The following PPRC1 variants were observed in gnomAD, a reference collection of about 807,000 sequenced individuals.
PPRC1 encodes peroxisome proliferator-activated receptor gamma coactivator-related protein 1.
PPRC1 carries 23 observed loss-of-function variants against 132.5 expected under a neutral mutation model. The ratio of observed to expected loss-of-function variants is 0.17; its 90% CI spans 0.12 to 0.25. The LOEUF (loss-of-function observed/expected upper bound fraction) is 0.25. Ranked by LOEUF, PPRC1 falls within the 10% of genes least tolerant of loss-of-function variation. The pLI is 1.00. For missense variants in PPRC1, 2,006 were observed against 2,089.1 expected, an observed-to-expected ratio of 0.96 and a Z score of 0.78; for synonymous variants, 872 against 833.5, an observed-to-expected ratio of 1.05 and a Z score of -0.80.
the PPRC1 span, among the ~76,000 whole-genome samples, chr10:102,123,532 T>C: frequency 6.6e-6 from 1 of 152,030 alleles, no homozygotes; most frequent in Non-Finnish European, 1.5e-5. Context: ...AACATAAAAT[T>C]AACCTTTTTT....
the PPRC1 span, among the ~76,000 whole-genome samples, chr10:102,123,009 G>C: frequency 2.0e-5 from 3 of 152,150 alleles, no homozygotes; most frequent in Non-Finnish European, 4.4e-5. Context: ...TCACCTACTA[G>C]TTAATGCTTC....
At chr10:102,139,019 G>A in intron 4 of PPRC1, 39 bp downstream of exon 4, 2 of 1,603,642 alleles carry the variant, frequency 1.2e-6, no homozygotes, top group Non-Finnish European at 1.7e-6. Flanking sequence ...CTCCCAGGTG[G>A]GAGGAGGAGT....
In PPRC1 at chr10:102,146,868, C is replaced by G. The variant is rs752028195; in HGVS notation, c.3876C>G (p.Gly1292=). The G allele has an allele frequency of 1.2e-6, 2 of 1,614,084 alleles. No individual in the cohort carries two copies. The highest frequency in any genetic ancestry group is 1.7e-6 in the Non-Finnish European group (2 of 1,179,986). ...ATGGCCCTAGTCGAGTCCATGTGGG[C>G]TCTGGGGACCATGACTATTGTGTCC... ...GVHGPSRVHV[G]SGDHDYCVRS... The change falls in exon 9 of 14, where the codon GGC becomes GGG. Residue 1292 remains glycine (G), a synonymous_variant. Transcript: ENST00000278070.
the PPRC1 span, among the ~76,000 whole-genome samples, chr10:102,125,015 T>C: frequency 6.6e-6 from 1 of 152,102 alleles, no homozygotes; most frequent in Non-Finnish European, 1.5e-5. Flanking sequence ...ACTCCTGGGC[T>C]CAAGCAGTCC....
rs1459783196 is a variant in PPRC1, at chr10:102,141,957, G to A, written c.3449G>A (p.Arg1150His). 1.1e-5 allele frequency: 18 copies of A among 1,613,822 alleles called. No individual in the cohort carries two copies. The highest frequency in any genetic ancestry group is 4.5e-5 in the East Asian group (2 of 44,888). ...LRKLSFLPTP[R>H]TQGSEDVVQA... ...AAGCTGTCCTTCCTGCCTACCCCACGTACTCAGGGTTCTGAAGATGTGGTA... is the reference window on the plus strand; with the variant it reads ...AAGCTGTCCTTCCTGCCTACCCCACATACTCAGGGTTCTGAAGATGTGGTA... Residue 1150 changes from arginine to histidine, a missense_variant, in exon 5 of 14, where the codon CGT becomes CAT. By Grantham distance (29) the Arg-to-His change is conservative (BLOSUM62 0). This residue lies in a region of PPRC1 where 1,914 missense variants were observed against 1,917.2 expected (regional missense o/e 1.00). Coordinates refer to ENST00000278070, the MANE Select transcript of PPRC1 (RefSeq NM_015062.5).
At chr10:102,132,327 C>G (rs2068557952), upstream of PPRC1, among the ~76,000 whole-genome samples, 1 of 152,094 alleles carries the variant, frequency 6.6e-6, no homozygotes, top group South Asian at 2.1e-4. Context: ...AGTGATGGAC[C>G]GTAGAAACGC....
chr10:102,149,000 T>C lies in PPRC1; in HGVS notation c.4739+62T>C. 1.3e-6 allele frequency: 2 copies of C among 1,594,912 alleles called. No homozygotes were observed. Among genetic ancestry groups the C allele is most frequent in the Non-Finnish European group, 1.7e-6 (2 of 1,170,730 alleles). On this transcript the variant is annotated intron_variant, in intron 12 of 13. Coordinates refer to ENST00000278070, the MANE Select transcript of PPRC1 (RefSeq NM_015062.5). The surrounding 1 kb of genome is among the most constrained non-coding windows in gnomAD (Gnocchi z 4.2). Reference sequence around the variant, plus strand: ...TCCCATTCATCTACCTTGGTGTTTCTTTGTCTTGCCTCCTTGCTCTGGTGT... The same window carrying C: ...TCCCATTCATCTACCTTGGTGTTTCCTTGTCTTGCCTCCTTGCTCTGGTGT...
chr10:102,139,768 G>T lies in PPRC1; in HGVS notation c.1260G>T (p.Glu420Asp). The change falls in exon 5 of 14, where the codon GAG becomes GAT. Residue 420 changes from glutamate (E) to aspartate (D), a missense_variant. Physicochemically the swap from Glu to Asp is conservative, Grantham distance 45. Transcript: ENST00000278070. ...EKEGLSLNSE[E>D]KLDSACLLKP... ...AGGGGTTGTCATTGAACTCAGAGGA[G>T]AAGCTGGACTCAGCCTGCTTATTGA... 1.9e-6 allele frequency: 3 copies of T among 1,614,190 alleles called. No homozygotes were observed. Among genetic ancestry groups the T allele is most frequent in the Non-Finnish European group, 2.5e-6 (3 of 1,180,044 alleles).
chr10:102,142,115 T>C, intron 5 of PPRC1, 111 bp downstream of exon 5: 2 of 1,332,498 alleles, frequency 1.5e-6, no homozygotes, highest in Non-Finnish European at 2.0e-6. Flanking sequence ...TGGAGGAGTT[T>C]TTTTGTTTTT....
upstream of PPRC1, among the ~76,000 whole-genome samples, chr10:102,129,968 G>T (rs566086607): frequency 8.5e-5 from 13 of 152,256 alleles, no homozygotes; most frequent in East Asian, 2.5e-3. Context: ...TATTAATCTT[G>T]CTGGCTGCTC....
the PPRC1 span, among the ~76,000 whole-genome samples, chr10:102,120,671 T>TA: frequency 5.9e-5 from 9 of 151,948 alleles, no homozygotes; most frequent in Non-Finnish European, 1.2e-4. Flanking sequence ...ACGCAGCTTT[T>TA]AAAAAAGGAG....
the PPRC1 span, among the ~76,000 whole-genome samples, chr10:102,126,365 T>C: frequency 6.6e-6 from 1 of 152,076 alleles, no homozygotes; most frequent in Non-Finnish European, 1.5e-5. Flanking sequence ...GGATGAATCT[T>C]TCTCCAAACA....
the PPRC1 span, among the ~76,000 whole-genome samples, chr10:102,122,786 G>T: frequency 6.6e-6 from 1 of 152,144 alleles, no homozygotes; most frequent in African/African-American, 2.4e-5. Flanking sequence ...CATGTGGAAG[G>T]TAGAAGCTTA....
In PPRC1 at chr10:102,138,649, G is replaced by A. The variant is rs775086501; in HGVS notation, c.373G>A (p.Val125Met). The change falls in exon 3 of 14, where the codon GTG (valine) becomes ATG (methionine). Residue 125 changes from valine (V) to methionine (M), a missense_variant. Transcript: ENST00000278070. Reference protein sequence around the residue: ...SRLSLEDQNEVSLLTALTEIL... With the variant: ...SRLSLEDQNEMSLLTALTEIL... ...GTTATCTCTGGAGGACCAGAATGAA[G>A]TGTCGCTGCTCACGGCTCTGACGGA... 9.3e-6 allele frequency: 15 copies of A among 1,614,174 alleles called. No individual in the cohort carries two copies. The highest frequency in any genetic ancestry group is 1.3e-5 in the Non-Finnish European group (15 of 1,180,044).
In PPRC1 at chr10:102,148,714, A is replaced by G; in HGVS notation, c.4617+20A>G. The G allele has an allele frequency of 1.2e-6, 2 of 1,614,024 alleles. No individual in the cohort carries two copies. Among genetic ancestry groups the G allele is most frequent in the East Asian group, 2.2e-5 (1 of 44,886 alleles). On this transcript the variant is annotated intron_variant, in intron 11 of 13. Transcript: ENST00000278070. The surrounding 1 kb of genome is among the most constrained non-coding windows in gnomAD (Gnocchi z 4.2). ...GCAATAGTGAGTAGAGGAACAGATC[A>G]TGGGAGGATGGGGCTTACCCCCTGA...
At chr10:102,131,993 A>T (rs2068551577), upstream of PPRC1, among the ~76,000 whole-genome samples, 2 of 152,216 alleles carry the variant, frequency 1.3e-5, no homozygotes, top group Admixed American at 6.5e-5. Context: ...ATAACAATAC[A>T]TTCATAAAAT....
At chr10:102,125,481 A>C in the PPRC1 span, among the ~76,000 whole-genome samples, 2 of 151,010 alleles carry the variant, frequency 1.3e-5, no homozygotes, top group African/African-American at 4.9e-5. Flanking sequence ...GATGATCTCG[A>C]TCTCTTGACC....
chr10:102,148,301 G>A lies in PPRC1; in HGVS notation c.4401-71G>A, dbSNP rs1369382294. 1 of 1,533,840 alleles carries A rather than the reference G, an allele frequency of 6.5e-7. No individual in the cohort carries two copies. The highest frequency in any genetic ancestry group is 1.4e-5 in the African/African-American group (1 of 73,088). ...GCTTCCTAAAAGAAAGGCAGGACTG[G>A]GGCCTGGGTGAGATAAGCAGAGTAT... On this transcript the variant is annotated intron_variant, in intron 9 of 13. Transcript: ENST00000278070. This position sits in a 1 kb window ranked among gnomAD's most constrained non-coding sequence, Gnocchi z 4.2.
In PPRC1 at chr10:102,139,969, T is replaced by C; in HGVS notation, c.1461T>C (p.Ser487=). 6.2e-7 allele frequency: 1 copy of C among 1,614,210 alleles called. No homozygotes were observed. The highest frequency in any genetic ancestry group is 8.5e-7 in the Non-Finnish European group (1 of 1,180,036). Residue 487 remains serine (S), a synonymous_variant, in exon 5 of 14, where the codon TCT becomes TCC. Transcript: ENST00000278070. ...TGAGGTCATCTTCTCGCGGGCAGTC[T>C]ACTGTAGGTACAGAAGTGACCTCTC... ...RRLRSSSRGQ[S]TVGTEVTSQV...
Sources: allele counts gnomAD v4.1 joint callset (sites outside exome capture counted in the v4.1 genomes callset), GRCh38; gene constraint gnomAD v4.1.1; regional missense constraint gnomAD v4.1.1; non-coding constraint Gnocchi (gnomAD v3.1); transcripts MANE v1.5; gene names NCBI Gene and HGNC (gene_info 2026-07-23, HGNC 2026-07-21).